The following SPATA6L variants were observed in gnomAD, a reference collection of about 807,000 sequenced individuals.
The protein encoded by SPATA6L is spermatogenesis associated 6 like, also known as spermatogenesis associated 6-like protein.
A neutral mutation model predicts 49.2 loss-of-function variants in SPATA6L; 68 were observed. The observed-to-expected ratio is 1.38, with a 90% CI of 1.14 to 1.69. The LOEUF (loss-of-function observed/expected upper bound fraction) is 1.69. Ranked by LOEUF, SPATA6L falls within the 40% of genes most tolerant of loss-of-function variation. The pLI is 0.00. For synonymous variants in SPATA6L, 198 were observed against 165.7 expected, an observed-to-expected ratio of 1.19 and a Z score of -1.50; for missense variants, 668 against 464.3, an observed-to-expected ratio of 1.44 and a Z score of -4.03.
chr9:4,591,989 G>C (rs1373702897), intron 13 of SPATA6L, among the ~76,000 whole-genome samples: 2 of 152,124 alleles, frequency 1.3e-5, no homozygotes, highest in Admixed American at 6.5e-5. Flanking sequence ...GAGTGCCCAA[G>C]CAAGTGGGAT....
chr9:4,613,386 G>T (rs946367082), intron 9 of SPATA6L, among the ~76,000 whole-genome samples: 1 of 151,828 alleles, frequency 6.6e-6, no homozygotes, highest in Admixed American at 6.6e-5. Context: ...GGCTGGTTCC[G>T]GCCCACATCC....
chr9:4,633,652 T>C, intron 4 of SPATA6L: 1 of 154,072 alleles, frequency 6.5e-6, no homozygotes. Flanking sequence ...GGCTGCAGAA[T>C]ATGCGAAACT....
chr9:4,660,364 G>C (rs1450238077), intron 2 of SPATA6L, among the ~76,000 whole-genome samples: 1 of 152,196 alleles, frequency 6.6e-6, no homozygotes, highest in Non-Finnish European at 1.5e-5. Context: ...ATCAAAAAGT[G>C]GGTGAAGGAC....
intron 5 of SPATA6L, chr9:4,628,047 T>C (rs188879221): frequency 0.011 from 3,846 of 348,812 alleles, 46 homozygotes; most frequent in Non-Finnish European, 0.015. Flanking sequence ...GAGCTAAAGA[T>C]TAAAACAATT....
chr9:4,601,446 C>T (rs544901549), intron 11 of SPATA6L, among the ~76,000 whole-genome samples: 6 of 151,338 alleles, frequency 4.0e-5, no homozygotes, highest in South Asian at 2.1e-4. Flanking sequence ...ACAAGGGATA[C>T]TCTGTTTATA....
chr9:4,635,224 TC>T (rs1832543575), intron 4 of SPATA6L, 50 bp downstream of exon 4: 2 of 1,460,954 alleles, frequency 1.4e-6, no homozygotes, highest in South Asian at 1.6e-5. Context: ...AACGTTCAGG[TC>T]CCAAGAGTTT....
downstream of SPATA6L, among the ~76,000 whole-genome samples, chr9:4,595,179 T>G (rs899271481): frequency 2.0e-5 from 3 of 152,160 alleles, no homozygotes; most frequent in African/African-American, 4.8e-5. Context: ...CACCTTCACT[T>G]TGTAACAAGC....
chr9:4,609,537 A>G (rs1358419176), intron 9 of SPATA6L, among the ~76,000 whole-genome samples: 2 of 152,092 alleles, frequency 1.3e-5, no homozygotes, highest in African/African-American at 2.4e-5. Context: ...AGAACCAAAG[A>G]CAAAAACCAC....
chr9:4,658,593 G>A (rs1364576590), intron 2 of SPATA6L, among the ~76,000 whole-genome samples: 1 of 152,182 alleles, frequency 6.6e-6, no homozygotes, highest in African/African-American at 2.4e-5. Flanking sequence ...CATCTGAAAT[G>A]TGACTCAGGC....
At chr9:4,604,143 G>A (rs1824096043) in intron 11 of SPATA6L, 36 bp downstream of exon 11, 1 of 1,379,226 alleles carries the variant, frequency 7.3e-7, no homozygotes, top group African/African-American at 1.5e-5. Flanking sequence ...AAGATAAGGA[G>A]AAGCACTTAA....
intron 6 of SPATA6L, 65 bp from the exon 7 acceptor site, chr9:4,622,575 C>T (rs1478578900): frequency 2.7e-6 from 3 of 1,115,682 alleles, no homozygotes; most frequent in African/African-American, 1.6e-5. Flanking sequence ...CCCCTCGTTA[C>T]CGGAATGCCT....
At chr9:4,663,555 T>C (rs1244071772) in intron 1 of SPATA6L, 1 of 358,686 alleles carries the variant, frequency 2.8e-6, no homozygotes, top group Non-Finnish European at 5.3e-6. Context: ...GAGGTGGTTA[T>C]ACTGTTGCTG....
chr9:4,661,677 G>C (rs1346995729), intron 2 of SPATA6L, among the ~76,000 whole-genome samples: 1 of 151,950 alleles, frequency 6.6e-6, no homozygotes, highest in Non-Finnish European at 1.5e-5. Context: ...CCAAGAATAG[G>C]AAACATCAAC....
rs796688617 is a variant in SPATA6L, at chr9:4,626,681, G to C, written c.430-1115C>G. ...TTAAATCTTTCTGTTACAGTCACAA[G>C]TTTGGTGTGGTTTCCTGACTGGACC... On this transcript the variant is annotated intron_variant, in intron 5 of 11. Coordinates refer to ENST00000682582, the MANE Select transcript of SPATA6L (RefSeq NM_001353486.2). The C allele has an allele frequency of 7.6e-6, 6 of 790,202 alleles. No homozygotes were observed. In the African/African-American group the frequency reaches 1.1e-4, roughly 14 times the overall value. The allele number at this position is 790,202 out of a possible 1,614,324, so 48.9% of individuals were successfully genotyped here. A position where few individuals can be genotyped will look rare whatever the true frequency, so the allele number is the denominator to read the frequency against.
Position 4,605,336 on chromosome 9 carries a change from G to C in SPATA6L, c.1089+11C>G, listed in dbSNP as rs372842864. ...AGTGAGCAAAGATCTAGTTTTATAA[G>C]AAAGTCTAACCTTGTTTTGGTGCAG... On this transcript the variant is annotated intron_variant, in intron 10 of 11. Coordinates refer to ENST00000682582, the MANE Select transcript of SPATA6L (RefSeq NM_001353486.2). 1.5e-4 allele frequency: 245 copies of C among 1,606,634 alleles called. No individual in the cohort carries two copies. The highest frequency in any genetic ancestry group is 2.0e-4 in the Admixed American group (12 of 59,984).
chr9:4,655,954 C>A (rs1029086478), intron 3 of SPATA6L, 87 bp downstream of exon 3: 2 of 1,013,298 alleles, frequency 2.0e-6, no homozygotes, highest in African/African-American at 1.6e-5. Context: ...ATGAACATAT[C>A]ACAGTTTAGA....
At position 4,661,944 on chromosome 9, in the gene SPATA6L, G is replaced by C. The variant is rs1465012395; in HGVS notation, c.132C>G (p.Pro44=). The change falls in exon 2 of 12, where the codon CCC becomes CCG. Residue 44 remains proline, a synonymous_variant. Coordinates refer to ENST00000682582, the MANE Select transcript of SPATA6L (RefSeq NM_001353486.2). ...MNQYLETNSF[P]SAFPIMIQES... ...CCTGAATCATAATGGGGAACGCAGA[G>C]GGAAAGCTGTTGGTCTCCAGGTACT... The C allele has an allele frequency of 1.2e-6, 2 of 1,613,952 alleles. No individual in the cohort carries two copies. Among genetic ancestry groups the C allele is most frequent in the Non-Finnish European group, 1.7e-6 (2 of 1,179,902 alleles).
At chr9:4,602,664 C>T (rs749612661) in intron 11 of SPATA6L, among the ~76,000 whole-genome samples, 8 of 107,454 alleles carry the variant, frequency 7.4e-5, no homozygotes, top group Non-Finnish European at 1.2e-4. Context: ...TTCCAAAGGC[C>T]AATGCCCACG....
downstream of SPATA6L, among the ~76,000 whole-genome samples, chr9:4,595,231 G>A (rs1300221224): frequency 6.6e-6 from 1 of 152,126 alleles, no homozygotes; most frequent in African/African-American, 2.4e-5. Context: ...AAAAGGGCCA[G>A]GTACCTCCCC....
Sources: allele counts gnomAD v4.1 joint callset (sites outside exome capture counted in the v4.1 genomes callset), GRCh38; gene constraint gnomAD v4.1.1; transcripts MANE v1.5; gene names NCBI Gene and HGNC (gene_info 2026-07-23, HGNC 2026-07-21).